MACROD2: variants seen among roughly 807,000 people sequenced by gnomAD.
MACROD2 encodes mono-ADP ribosylhydrolase 2.
MACROD2 carries 36 observed loss-of-function variants against 70.4 expected under a neutral mutation model. The ratio of observed to expected loss-of-function variants is 0.51; its 90% CI spans 0.39 to 0.68. MACROD2 has a LOEUF of 0.68. Among genes scored for constraint, MACROD2 ranks in the 30% least tolerant of loss-of-function variants. MACROD2 has a pLI of 0.00. For synonymous variants in MACROD2, 172 were observed against 178.8 expected, an observed-to-expected ratio of 0.96 and a Z score of 0.30; for missense variants, 496 against 538.4, an observed-to-expected ratio of 0.92 and a Z score of 0.78.
At chr20:15,417,649 A>AG (rs1225470304) in intron 6 of MACROD2, among the ~76,000 whole-genome samples, 1 of 151,340 alleles carries the variant, frequency 6.6e-6, no homozygotes, top group Non-Finnish European at 1.5e-5. Flanking sequence ...GAAAAAAAAA[A>AG]GTGTGGTCCT....
chr20:15,808,938 A>T (rs1328404195), intron 8 of MACROD2, among the ~76,000 whole-genome samples: 1 of 152,180 alleles, frequency 6.6e-6, no homozygotes, highest in East Asian at 1.9e-4. Flanking sequence ...CATTATCCTA[A>T]CTATGGAAAT....
intron 5 of MACROD2, among the ~76,000 whole-genome samples, chr20:15,042,707 C>T (rs1235210996): frequency 5.9e-5 from 9 of 152,228 alleles, no homozygotes; most frequent in Admixed American, 1.3e-4. Flanking sequence ...AGAAGCTCAG[C>T]GTGCCATAGT....
At chr20:14,629,192 C>T (rs896554345) in intron 4 of MACROD2, among the ~76,000 whole-genome samples, 2 of 151,826 alleles carry the variant, frequency 1.3e-5, no homozygotes, top group Admixed American at 1.3e-4. Context: ...TTTTAACTGC[C>T]GTTTTTGAAC....
intron 5 of MACROD2, among the ~76,000 whole-genome samples, chr20:14,963,588 CTGCCGGTGGTGGG>C (rs1486011336): frequency 1.3e-5 from 2 of 152,132 alleles, no homozygotes; most frequent in African/African-American, 4.8e-5. Flanking sequence ...AACACATTCC[CTGCCGGTGGTGGG>C]TTTTGATTGA....
chr20:14,160,907 T>G (rs1601295386), intron 3 of MACROD2, among the ~76,000 whole-genome samples: 1 of 152,132 alleles, frequency 6.6e-6, no homozygotes, highest in African/African-American at 2.4e-5. Flanking sequence ...TTGCATAACG[T>G]TTGGGTTTGG....
chr20:15,756,625 C>G (rs904890652), intron 8 of MACROD2, among the ~76,000 whole-genome samples: 2 of 152,132 alleles, frequency 1.3e-5, no homozygotes, highest in Non-Finnish European at 2.9e-5. Context: ...AGGAGGGAAG[C>G]TGGTAACATG....
intron 8 of MACROD2, among the ~76,000 whole-genome samples, chr20:15,570,408 G>T (rs897644379): frequency 6.6e-6 from 1 of 152,120 alleles, no homozygotes; most frequent in Non-Finnish European, 1.5e-5. Flanking sequence ...TATAGGCTTG[G>T]GGATCAGTCT....
intron 5 of MACROD2, among the ~76,000 whole-genome samples, chr20:15,060,131 C>T (rs929874377): frequency 6.6e-6 from 1 of 152,178 alleles, no homozygotes; most frequent in African/African-American, 2.4e-5. Flanking sequence ...GATTGCTAGC[C>T]TTGCTGTCCC....
At chr20:15,545,970 G>T (rs1309446825) in intron 8 of MACROD2, among the ~76,000 whole-genome samples, 6 of 152,158 alleles carry the variant, frequency 3.9e-5, no homozygotes, top group Non-Finnish European at 8.8e-5. Flanking sequence ...GGAAAGAAGA[G>T]ACAGCTGGGC....
At chr20:14,905,011 A>C (rs1298759372) in intron 5 of MACROD2, 1 of 152,144 alleles carries the variant, frequency 6.6e-6, no homozygotes, top group Admixed American at 6.5e-5. Flanking sequence ...CTTAATATGT[A>C]CAAGCTCTGA....
At chr20:15,954,134 A>T (rs927075343) in intron 12 of MACROD2, among the ~76,000 whole-genome samples, 8 of 152,158 alleles carry the variant, frequency 5.3e-5, no homozygotes, top group Non-Finnish European at 1.0e-4. Flanking sequence ...ATTTCATTTC[A>T]TAAATTGGGT....
intron 3 of MACROD2, among the ~76,000 whole-genome samples, chr20:14,392,844 C>T (rs1242117484): frequency 6.6e-6 from 1 of 152,078 alleles, no homozygotes; most frequent in African/African-American, 2.4e-5. Context: ...CCATGCCTGA[C>T]TCTGCCCTGT....
chr20:14,464,709 T>C (rs985744213), intron 3 of MACROD2, among the ~76,000 whole-genome samples: 3 of 152,092 alleles, frequency 2.0e-5, no homozygotes, highest in Admixed American at 6.6e-5. Context: ...GCTTTGAATG[T>C]GTCCCAGAGA....
intron 7 of MACROD2, among the ~76,000 whole-genome samples, chr20:15,446,422 C>T (rs1016860756): frequency 6.6e-6 from 1 of 152,200 alleles, no homozygotes; most frequent in African/African-American, 2.4e-5. Flanking sequence ...TATTCTAAAG[C>T]AGAGGCGTTT....
At chr20:14,305,363 A>T (rs2082510896) in intron 3 of MACROD2, among the ~76,000 whole-genome samples, 1 of 152,110 alleles carries the variant, frequency 6.6e-6, no homozygotes, top group Non-Finnish European at 1.5e-5. Context: ...AACCTTCATG[A>T]GTGCGTACAT....
chr20:16,023,461 G>A (rs143757210), intron 15 of MACROD2, among the ~76,000 whole-genome samples: 1,220 of 117,602 alleles, frequency 0.01, 31 homozygotes, highest in East Asian at 0.1. Flanking sequence ...GGGACAGAGC[G>A]AGACTCCATC....
At chr20:14,936,396 T>G (rs2074340710) in intron 5 of MACROD2, among the ~76,000 whole-genome samples, 1 of 152,190 alleles carries the variant, frequency 6.6e-6, no homozygotes, top group Non-Finnish European at 1.5e-5. Flanking sequence ...GATATTTCCA[T>G]CTGCTCTAGG....
intron 2 of MACROD2, among the ~76,000 whole-genome samples, chr20:14,022,325 TTATTTTACATTTACTC>T (rs2053095366): frequency 6.6e-6 from 1 of 152,178 alleles, no homozygotes; most frequent in Admixed American, 6.5e-5. Context: ...AATATAAAAA[TTATTTTACATTTACTC>T]AGTTTTATCA....
At chr20:15,185,290 T>C (rs2076527385) in intron 5 of MACROD2, among the ~76,000 whole-genome samples, 1 of 152,208 alleles carries the variant, frequency 6.6e-6, no homozygotes, top group African/African-American at 2.4e-5. Context: ...TTTAAACTTT[T>C]GGTACATGAG....
Sources: gnomAD v4.1 joint callset for allele counts (sites outside exome capture counted in the v4.1 genomes callset) on GRCh38, gnomAD v4.1.1 for gene constraint, MANE v1.5 for transcripts, NCBI Gene and HGNC (gene_info 2026-07-23, HGNC 2026-07-21) for gene names.